The following PRKCH variants were observed in gnomAD, a reference collection of about 807,000 sequenced individuals.
The protein encoded by PRKCH is protein kinase C eta type.
A neutral mutation model predicts 82.5 loss-of-function variants in PRKCH; 28 were observed. The ratio of observed to expected loss-of-function variants is 0.34; its 90% CI spans 0.25 to 0.47. The LOEUF is 0.47. Among genes scored for constraint, PRKCH ranks in the 20% least tolerant of loss-of-function variants. The pLI, the probability that PRKCH is intolerant of heterozygous loss-of-function variation, is 1.00. For missense variants in PRKCH, 705 were observed against 881.8 expected (o/e 0.80, Z 2.54); for synonymous variants, 322 against 327.4 (o/e 0.98, Z 0.18).
At chr14:61,476,992 G>A (rs998922498) in intron 9 of PRKCH, among the ~76,000 whole-genome samples, 2 of 152,120 alleles carry the variant, frequency 1.3e-5, no homozygotes, top group African/African-American at 2.4e-5. Context: ...TTCCTCATGC[G>A]GGTGCTTTTC....
intron 9 of PRKCH, among the ~76,000 whole-genome samples, chr14:61,484,176 TCATGTTTC>T (rs1464585417): frequency 1.3e-5 from 2 of 151,954 alleles, no homozygotes; most frequent in Non-Finnish European, 2.9e-5. Flanking sequence ...GGGCCTTAGC[TCATGTTTC>T]CCTTGCTCAG....
chr14:61,299,678 C>T (rs957662174), intron 1 of PRKCH: 2 of 152,040 alleles, frequency 1.3e-5, no homozygotes, highest in African/African-American at 4.8e-5. Context: ...GTCTCAAAAC[C>T]TTGCAGTAAA....
At position 61,550,576 on chromosome 14, in the gene PRKCH, T is replaced by C. The variant is rs145422769; in HGVS notation, c.*745T>C. 213 of 152,806 alleles carry C rather than the reference T, an allele frequency of 1.4e-3. 1 individual carries two copies. The highest frequency in any genetic ancestry group is 5.0e-3 in the African/African-American group (206 of 41,598). 9.5% of individuals were successfully genotyped at this position (152,806 alleles called of 1,614,324 possible). On this transcript the variant is annotated 3_prime_UTR_variant, in exon 14 of 14. Coordinates refer to ENST00000332981, the MANE Select transcript of PRKCH (RefSeq NM_006255.5). The stretch of plus-strand genomic sequence containing the variant: ...TCTACTAATTTACCTGAATGGTGTT[T>C]GCATTCTGTGAAATGCCTCTCCACG...
At chr14:61,381,263 C>G (rs895054826) in intron 1 of PRKCH, among the ~76,000 whole-genome samples, 1 of 152,090 alleles carries the variant, frequency 6.6e-6, no homozygotes, top group Non-Finnish European at 1.5e-5. Context: ...ACATAGGATC[C>G]GGATTGAGCA....
intron 2 of PRKCH, among the ~76,000 whole-genome samples, chr14:61,426,542 G>A (rs968344835): frequency 6.6e-6 from 1 of 152,066 alleles, no homozygotes; most frequent in Admixed American, 6.6e-5. Flanking sequence ...TTTGATCTAG[G>A]GTAATTTCTC....
chr14:61,543,866 T>A (rs2043218913), intron 12 of PRKCH: 1 of 152,292 alleles, frequency 6.6e-6, no homozygotes, highest in African/African-American at 2.4e-5. Flanking sequence ...GCTATCCACC[T>A]CCAACTCCAC....
intron 10 of PRKCH, among the ~76,000 whole-genome samples, chr14:61,502,060 CTTT>C (rs1187785013): frequency 1.6e-5 from 1 of 60,934 alleles, no homozygotes; most frequent in Admixed American, 1.8e-4. Context: ...CTTTTCTTTT[CTTT>C]TCTTTTTTTT....
intron 1 of PRKCH, among the ~76,000 whole-genome samples, chr14:61,255,020 C>A: frequency 6.6e-6 from 1 of 152,222 alleles, no homozygotes; most frequent in East Asian, 1.9e-4. Flanking sequence ...CCTGTTCCAT[C>A]CTCACTGCAG....
chr14:61,290,799 G>A (rs145832252), intron 1 of PRKCH, among the ~76,000 whole-genome samples: 1 of 152,112 alleles, frequency 6.6e-6, no homozygotes, highest in East Asian at 1.9e-4. Context: ...AGTTAATAGG[G>A]TTGCTTAAAA....
At chr14:61,388,682 CAG>C (rs1414360808) in intron 1 of PRKCH, among the ~76,000 whole-genome samples, 1 of 152,170 alleles carries the variant, frequency 6.6e-6, no homozygotes, top group Non-Finnish European at 1.5e-5. Flanking sequence ...CAAGTCAAGG[CAG>C]AGAGTGGAGA....
At chr14:61,327,175 C>T (rs1413441004) in intron 1 of PRKCH, 6 of 454,890 alleles carry the variant, frequency 1.3e-5, no homozygotes, top group African/African-American at 1.2e-4. Flanking sequence ...CTCAATTTCT[C>T]AGTGAGGTAC....
chr14:61,285,859 A>G (rs954577601), intron 1 of PRKCH, among the ~76,000 whole-genome samples: 1 of 152,214 alleles, frequency 6.6e-6, no homozygotes, highest in Non-Finnish European at 1.5e-5. Flanking sequence ...AAAAACTCCA[A>G]AAACGTTAAC....
At chr14:61,412,424 A>T (rs779921538) in intron 2 of PRKCH, among the ~76,000 whole-genome samples, 1 of 152,190 alleles carries the variant, frequency 6.6e-6, no homozygotes, top group African/African-American at 2.4e-5. Flanking sequence ...TGTTACTTCA[A>T]CCGAACCCAT....
At chr14:61,507,832 C>T (rs1889769) in intron 10 of PRKCH, among the ~76,000 whole-genome samples, 127,411 of 152,034 alleles carry the variant, frequency 0.84, 53,845 homozygotes, top group East Asian at 0.95. Context: ...GCAGGATAAA[C>T]AAGCTCTGGA....
chr14:61,479,576 C>G (rs1331715018), intron 9 of PRKCH, among the ~76,000 whole-genome samples: 2 of 152,214 alleles, frequency 1.3e-5, no homozygotes, highest in African/African-American at 4.8e-5. Flanking sequence ...TGGCATAGCA[C>G]TTTCATCCAC....
intron 1 of PRKCH, among the ~76,000 whole-genome samples, chr14:61,315,399 C>T (rs542426430): frequency 1.3e-5 from 2 of 152,290 alleles, no homozygotes; most frequent in East Asian, 1.9e-4. Flanking sequence ...CTTCAACTCT[C>T]GGTTTCCTTA....
chr14:61,465,844 C>T (rs1392973466), intron 9 of PRKCH, among the ~76,000 whole-genome samples: 2 of 152,086 alleles, frequency 1.3e-5, no homozygotes, highest in East Asian at 1.9e-4. Flanking sequence ...TGTCAGGTAC[C>T]GTCGTAAGCA....
At chr14:61,396,094 A>AAAAG (rs1330171572) in intron 2 of PRKCH, among the ~76,000 whole-genome samples, 276 of 151,730 alleles carry the variant, frequency 1.8e-3, no homozygotes, top group African/African-American at 6.5e-3. Flanking sequence ...AAAAAAAAAA[A>AAAAG]AAAAGAAAAG....
intron 1 of PRKCH, among the ~76,000 whole-genome samples, chr14:61,220,504 G>A (rs538795963): frequency 6.6e-6 from 1 of 152,310 alleles, no homozygotes; most frequent in South Asian, 2.1e-4. Flanking sequence ...TGACCAGAAG[G>A]ATACACTGGG....
Sources: gnomAD v4.1 joint callset for allele counts (sites outside exome capture counted in the v4.1 genomes callset) on GRCh38, gnomAD v4.1.1 for gene constraint, MANE v1.5 for transcripts, NCBI Gene and HGNC (gene_info 2026-07-23, HGNC 2026-07-21) for gene names.